MID1: variants seen among roughly 807,000 people sequenced by gnomAD.
MID1 encodes E3 ubiquitin-protein ligase Midline-1.
Under a neutral mutation model 40.4 loss-of-function variants are expected in MID1, and 7 were observed. The ratio of observed to expected loss-of-function variants is 0.17; its 90% CI spans 0.10 to 0.33. MID1 has a LOEUF of 0.33. Among genes scored for constraint, MID1 ranks in the 10% least tolerant of loss-of-function variants. The pLI is 1.00. For missense variants in MID1, 367 were observed against 558.5 expected, an observed-to-expected ratio of 0.66 and a Z score of 3.46; for synonymous variants, 229 against 221.2, an observed-to-expected ratio of 1.04 and a Z score of -0.31.
At chrX:10,738,681 G>A (rs2043502674) in intron 1 of MID1, among the ~76,000 whole-genome samples, 1 of 110,227 alleles carries the variant, frequency 9.1e-6, no homozygotes, top group Admixed American at 9.7e-5. Flanking sequence ...AAATAAGAAG[G>A]GGGAGGAGAA....
At chrX:10,610,830 C>T (rs1253904557) in intron 1 of MID1, among the ~76,000 whole-genome samples, 1 of 111,760 alleles carries the variant, frequency 8.9e-6, no homozygotes, top group African/African-American at 3.3e-5. Flanking sequence ...ATGTTTCAAA[C>T]AATGTTTGAA....
intron 7 of MID1, among the ~76,000 whole-genome samples, chrX:10,462,695 C>T (rs1467119486): frequency 6.3e-5 from 7 of 111,006 alleles, no homozygotes; most frequent in Admixed American, 2.9e-4. Context: ...AAGCATTTCC[C>T]TACATAATGT....
At chrX:10,522,013 G>C (rs776025252) in intron 3 of MID1, among the ~76,000 whole-genome samples, 14 of 111,152 alleles carry the variant, frequency 1.3e-4, no homozygotes, top group Non-Finnish European at 2.5e-4. Context: ...CTAATTTTTT[G>C]TATTTTTTAA....
intron 3 of MID1, among the ~76,000 whole-genome samples, chrX:10,511,090 C>T (rs1332080358): frequency 3.7e-5 from 4 of 107,482 alleles, no homozygotes; most frequent in African/African-American, 1.4e-4. Flanking sequence ...ACTAAAGATA[C>T]AAAAATTAGC....
chrX:10,806,099 G>C (rs1362026220), intron 1 of MID1, among the ~76,000 whole-genome samples: 1 of 105,742 alleles, frequency 9.5e-6, no homozygotes, highest in Non-Finnish European at 2.0e-5. Flanking sequence ...TGTCAATTTT[G>C]GCTTTTGTTG....
At chrX:10,811,471 T>G (rs757866522) in intron 1 of MID1, among the ~76,000 whole-genome samples, 74 of 112,117 alleles carry the variant, frequency 6.6e-4, no homozygotes, top group Middle Eastern at 4.6e-3. Context: ...GCTAACACAG[T>G]GTGTAAGTGG....
intron 1 of MID1, among the ~76,000 whole-genome samples, chrX:10,642,100 C>G (rs1936204279): frequency 8.9e-6 from 1 of 111,920 alleles, no homozygotes; most frequent in Non-Finnish European, 1.9e-5. Flanking sequence ...CCTTTGAAAA[C>G]TGGCACAAGA....
At chrX:10,608,717 C>G (rs1935670488) in intron 1 of MID1, among the ~76,000 whole-genome samples, 1 of 111,663 alleles carries the variant, frequency 9.0e-6, no homozygotes, top group Non-Finnish European at 1.9e-5. Flanking sequence ...AACAAGATCA[C>G]CCAAATGGTC....
intron 1 of MID1, among the ~76,000 whole-genome samples, chrX:10,748,046 C>T (rs2043571761): frequency 9.0e-6 from 1 of 110,739 alleles, no homozygotes; most frequent in African/African-American, 3.3e-5. Context: ...GATAATGGTT[C>T]ATGAGATGCT....
At chrX:10,559,975 C>T (rs1429941031) in intron 2 of MID1, among the ~76,000 whole-genome samples, 1 of 108,836 alleles carries the variant, frequency 9.2e-6, no homozygotes, top group African/African-American at 3.4e-5. Flanking sequence ...CCTGATCTCC[C>T]AGGCTCAATG....
chrX:10,738,949 C>CAAAA (rs377057937), intron 1 of MID1, among the ~76,000 whole-genome samples: 2 of 65,868 alleles, frequency 3.0e-5, no homozygotes, highest in Non-Finnish European at 6.4e-5. Context: ...CTACTAAAGG[C>CAAAA]AAAAAAAAAA....
rs192102436 is a variant in MID1, at chrX:10,654,607, G to A, written c.-186-34188C>T. Among the ~76,000 whole-genome samples, 4 of 112,000 alleles carry A rather than the reference G, an allele frequency of 3.6e-5. No individual in the cohort carries two copies. In the East Asian group the frequency reaches 1.1e-3, roughly 31 times the overall value. On this transcript the variant is annotated intron_variant, in intron 1 of 10. Coordinates refer to the MID1 transcript ENST00000380785. The stretch of plus-strand genomic sequence containing the variant: ...TGATCTGACAAGAGAGAGAGCTCAG[G>A]CGATAATGCTCACTCACTGGCCACT...
chrX:10,824,893 T>C (rs767469090), intron 1 of MID1, among the ~76,000 whole-genome samples: 1 of 111,057 alleles, frequency 9.0e-6, no homozygotes, highest in African/African-American at 3.3e-5. Flanking sequence ...GCAAGTGCAA[T>C]CTAGTTATCT....
chrX:10,755,889 GAC>G (rs1321247096), intron 1 of MID1, among the ~76,000 whole-genome samples: 1 of 112,109 alleles, frequency 8.9e-6, no homozygotes, highest in East Asian at 2.8e-4. Flanking sequence ...GTGGAAAGGA[GAC>G]AGTTTGCTTC....
At chrX:10,530,960 A>C (rs1932949257) in intron 2 of MID1, among the ~76,000 whole-genome samples, 1 of 112,224 alleles carries the variant, frequency 8.9e-6, no homozygotes, top group South Asian at 3.7e-4. Context: ...CCAGGACTTA[A>C]AGAATGCTTG....
At chrX:10,596,429 T>C (rs1316408896) in intron 1 of MID1, among the ~76,000 whole-genome samples, 1 of 112,423 alleles carries the variant, frequency 8.9e-6, no homozygotes. Flanking sequence ...ATATCAGTTA[T>C]AATTAATGTT....
chrX:10,781,524 T>A (rs1166147643), intron 1 of MID1, among the ~76,000 whole-genome samples: 2 of 112,238 alleles, frequency 1.8e-5, no homozygotes, highest in Non-Finnish European at 3.8e-5. Context: ...TTCTAGTGCA[T>A]CATATGACAT....
chrX:10,484,016 C>T (rs1381655776), intron 4 of MID1, among the ~76,000 whole-genome samples: 2 of 112,357 alleles, frequency 1.8e-5, no homozygotes, highest in South Asian at 3.7e-4. Context: ...ATTATAGTTA[C>T]TGTCCCCAGT....
At chrX:10,745,558 A>C (rs1309625329) in intron 1 of MID1, among the ~76,000 whole-genome samples, 1 of 112,674 alleles carries the variant, frequency 8.9e-6, no homozygotes, top group East Asian at 2.8e-4. Context: ...GTTTTCACCA[A>C]ATTAAATGCA....
Sources: gnomAD v4.1 joint callset for allele counts (sites outside exome capture counted in the v4.1 genomes callset) on GRCh38, gnomAD v4.1.1 for gene constraint, MANE v1.5 for transcripts, NCBI Gene and HGNC (gene_info 2026-07-23, HGNC 2026-07-21) for gene names.